Variants in ANK3 observed in about 807,000 individuals in gnomAD.
ANK3 encodes the protein ankyrin 3.
ANK3 carries 57 observed loss-of-function variants against 370.9 expected under a neutral mutation model. The ratio of observed to expected loss-of-function variants is 0.15; its 90% CI spans 0.12 to 0.19. The LOEUF is 0.19. Ranked by LOEUF, ANK3 falls within the 10% of genes least tolerant of loss-of-function variation. ANK3 has a pLI of 1.00. For missense variants in ANK3, 4,439 were observed against 5,302.1 expected, an observed-to-expected ratio of 0.84 and a Z score of 5.06; for synonymous variants, 1,929 against 1,946.3, an observed-to-expected ratio of 0.99 and a Z score of 0.23.
intron 41 of ANK3, among the ~76,000 whole-genome samples, chr10:60,058,739 T>C (rs997793402): frequency 3.9e-5 from 6 of 152,222 alleles, no homozygotes; most frequent in Non-Finnish European, 8.8e-5. Context: ...CTAAATAACA[T>C]GGACTTTCAT....
At chr10:60,251,894 G>A (rs57691437) in intron 7 of ANK3, among the ~76,000 whole-genome samples, 3,574 of 152,236 alleles carry the variant, frequency 0.023, 139 homozygotes, top group African/African-American at 0.08. Context: ...CTTCCCCACC[G>A]GGCTGGACTC....
chr10:60,074,365 A>C lies in ANK3; in HGVS notation c.6516T>G (p.Val2172=). The part of the protein sequence containing the change: ...ITETRTEVVH[V]IRSYDPSAGD... ...CAGCTGAGGGATCATAGCTCCTGAT[A>C]ACATGAACCACTTCAGTTCTTGTTT... Residue 2172 remains valine, a synonymous_variant, in exon 37 of 44, where the codon GTT becomes GTG. Coordinates refer to ENST00000280772, the MANE Select transcript of ANK3 (RefSeq NM_020987.5). 6.2e-7 allele frequency: 1 copy of C among 1,614,060 alleles called. No individual in the cohort carries two copies.
chr10:60,638,731 T>TAAC (rs2078589587), intron 1 of ANK3, among the ~76,000 whole-genome samples: 1 of 152,082 alleles, frequency 6.6e-6, no homozygotes, highest in Admixed American at 6.6e-5. Context: ...ATATGCTCAA[T>TAAC]AACTTCTAGA....
chr10:60,347,383 T>A (rs906784580), intron 1 of ANK3, among the ~76,000 whole-genome samples: 2 of 151,780 alleles, frequency 1.3e-5, no homozygotes, highest in Non-Finnish European at 2.9e-5. Flanking sequence ...TTTTTGCTTG[T>A]GTATCTGTCT....
At chr10:60,128,006 T>C (rs1017047801) in intron 25 of ANK3, among the ~76,000 whole-genome samples, 15 of 152,164 alleles carry the variant, frequency 9.9e-5, no homozygotes, top group African/African-American at 3.6e-4. Context: ...CAGTTCTTCA[T>C]ACTTTTTATA....
intron 1 of ANK3, among the ~76,000 whole-genome samples, chr10:60,678,971 G>A (rs983487071): frequency 1.3e-5 from 2 of 152,194 alleles, no homozygotes; most frequent in Non-Finnish European, 2.9e-5. Flanking sequence ...AAAAGCAAGG[G>A]TGGAGATCAC....
chr10:60,427,829 G>A (rs1173842681), intron 2 of ANK3, among the ~76,000 whole-genome samples: 8 of 152,262 alleles, frequency 5.3e-5, no homozygotes, highest in East Asian at 3.9e-4. Context: ...TGGCTTTGAT[G>A]TAGAGCTAGA....
At chr10:60,687,535 AACAC>A in intron 1 of ANK3, among the ~76,000 whole-genome samples, 1 of 150,698 alleles carries the variant, frequency 6.6e-6, no homozygotes, top group East Asian at 1.9e-4. Context: ...TATAAAAAAA[AACAC>A]ACACACACAC....
At chr10:60,595,153 C>T (rs192108031) in intron 2 of ANK3, among the ~76,000 whole-genome samples, 4 of 152,208 alleles carry the variant, frequency 2.6e-5, no homozygotes, top group Admixed American at 6.5e-5. Flanking sequence ...AAGAGCTTCA[C>T]GTTTTTGTAA....
chr10:60,297,507 A>G (rs1472210189), intron 1 of ANK3, among the ~76,000 whole-genome samples: 1 of 152,168 alleles, frequency 6.6e-6, no homozygotes, highest in Non-Finnish European at 1.5e-5. Flanking sequence ...TAGAAGACAC[A>G]GTTTAATTTT....
intron 2 of ANK3, among the ~76,000 whole-genome samples, chr10:60,446,455 A>G (rs897936592): frequency 6.6e-6 from 1 of 152,144 alleles, no homozygotes; most frequent in African/African-American, 2.4e-5. Flanking sequence ...TTATTCCTAC[A>G]GTCAGCATGA....
At chr10:60,429,069 G>A (rs2063954764) in intron 2 of ANK3, among the ~76,000 whole-genome samples, 1 of 152,088 alleles carries the variant, frequency 6.6e-6, no homozygotes, top group African/African-American at 2.4e-5. Context: ...AAAAATAAAT[G>A]TGATTACAGG....
chr10:60,074,266 T>A lies in ANK3; in HGVS notation c.6615A>T (p.Pro2205=). The change falls in exon 37 of 44, where the codon CCA becomes CCT. Residue 2205 remains proline (P), a synonymous_variant. Coordinates refer to ENST00000280772, the MANE Select transcript of ANK3 (RefSeq NM_020987.5). ...KPSPTFMELE[P]KPTTSSIKEK... Reference sequence around the variant, plus strand: ...CTTTAATACTAGAGGTGGTGGGCTTTGGTTCCAATTCCATAAAAGTAGGTG... The same window carrying A: ...CTTTAATACTAGAGGTGGTGGGCTTAGGTTCCAATTCCATAAAAGTAGGTG... The A allele has an allele frequency of 6.2e-7, 1 of 1,614,140 alleles. No homozygotes were observed. The highest frequency in any genetic ancestry group is 8.5e-7 in the Non-Finnish European group (1 of 1,180,014).
chr10:60,044,344 T>C, intron 42 of ANK3: 1 of 983,520 alleles, frequency 1.0e-6, no homozygotes, highest in Non-Finnish European at 1.2e-6. Flanking sequence ...TTTTGCTTCC[T>C]CTCCCTAAAG....
intron 1 of ANK3, among the ~76,000 whole-genome samples, chr10:60,290,298 A>T (rs2041042637): frequency 6.6e-6 from 1 of 152,114 alleles, no homozygotes; most frequent in African/African-American, 2.4e-5. Flanking sequence ...GGGTGTGGAG[A>T]TCTTAAATAA....
intron 2 of ANK3, among the ~76,000 whole-genome samples, chr10:60,551,935 C>T (rs576766181): frequency 7.6e-4 from 115 of 152,304 alleles, no homozygotes; most frequent in African/African-American, 2.6e-3. Context: ...GATGATGCAG[C>T]ATTTCTTAAT....
chr10:60,095,311 C>T (rs545090398), intron 28 of ANK3, among the ~76,000 whole-genome samples: 16 of 152,344 alleles, frequency 1.1e-4, no homozygotes, highest in African/African-American at 3.8e-4. Flanking sequence ...CATCAAACAA[C>T]TGTACAGTTC....
At chr10:60,105,119 T>C (rs2091980896) in intron 28 of ANK3, among the ~76,000 whole-genome samples, 1 of 152,170 alleles carries the variant, frequency 6.6e-6, no homozygotes, top group Non-Finnish European at 1.5e-5. Context: ...ATTCCTGGAT[T>C]TGGAGTGATT....
intron 2 of ANK3, among the ~76,000 whole-genome samples, chr10:60,523,064 G>A (rs2076385523): frequency 6.6e-6 from 1 of 151,966 alleles, no homozygotes; most frequent in African/African-American, 2.4e-5. Flanking sequence ...CAGTATACTA[G>A]ACATCACCTA....
Sources: gnomAD v4.1 joint callset for allele counts (sites outside exome capture counted in the v4.1 genomes callset) on GRCh38, gnomAD v4.1.1 for gene constraint, MANE v1.5 for transcripts, NCBI Gene and HGNC (gene_info 2026-07-23, HGNC 2026-07-21) for gene names.